LPP: variants seen among roughly 807,000 people sequenced by gnomAD.
The protein encoded by LPP is lipoma-preferred partner.
Under a neutral mutation model 60.4 loss-of-function variants are expected in LPP, and 38 were observed. That is an observed-to-expected ratio of 0.63 (90% confidence interval 0.49 to 0.83). The LOEUF is 0.83. Ranked by LOEUF, LPP falls within the 40% of genes least tolerant of loss-of-function variation. LPP has a pLI of 0.00. For missense variants in LPP, 902 were observed against 783.6 expected (o/e 1.15, Z -1.80); for synonymous variants, 328 against 290.8 (o/e 1.13, Z -1.30).
intron 5 of LPP, among the ~76,000 whole-genome samples, chr3:188,505,598 A>G (rs1488414063): frequency 6.6e-6 from 1 of 152,278 alleles, no homozygotes; most frequent in East Asian, 1.9e-4. Flanking sequence ...TCTACTCATC[A>G]TCTTACTCAA....
chr3:188,503,986 A>C (rs534234511), intron 5 of LPP, among the ~76,000 whole-genome samples: 2 of 152,102 alleles, frequency 1.3e-5, no homozygotes, highest in Non-Finnish European at 2.9e-5. Context: ...CTTTGATCAA[A>C]TTTGGGGGAG....
intron 9 of LPP, among the ~76,000 whole-genome samples, chr3:188,804,196 G>A (rs1382849162): frequency 7.1e-5 from 9 of 126,450 alleles, no homozygotes; most frequent in East Asian, 2.6e-4. Context: ...TTTTTTATTC[G>A]GGGGGAGGTT....
intron 9 of LPP, among the ~76,000 whole-genome samples, chr3:188,775,450 A>G (rs183288739): frequency 6.6e-6 from 1 of 152,352 alleles, no homozygotes; most frequent in East Asian, 1.9e-4. Flanking sequence ...AAGACCTCGT[A>G]CAGTTCAGGT....
chr3:188,775,535 A>C (rs1424032091), intron 9 of LPP, among the ~76,000 whole-genome samples: 1 of 152,184 alleles, frequency 6.6e-6, no homozygotes, highest in Non-Finnish European at 1.5e-5. Context: ...AGAGAGGAAG[A>C]CTTGTTTTTT....
intron 7 of LPP, among the ~76,000 whole-genome samples, chr3:188,657,264 A>G (rs980699651): frequency 7.1e-6 from 1 of 140,312 alleles, no homozygotes; most frequent in East Asian, 2.1e-4. Context: ...AGGTGTATAT[A>G]TATATATATA....
intron 3 of LPP, among the ~76,000 whole-genome samples, chr3:188,389,602 G>A (rs1481329183): frequency 2.0e-5 from 3 of 151,972 alleles, no homozygotes; most frequent in East Asian, 1.9e-4. Flanking sequence ...GTGGCGAAAC[G>A]CCATCTGTAC....
chr3:188,773,119 G>T (rs1249030444), intron 9 of LPP, among the ~76,000 whole-genome samples: 2 of 152,184 alleles, frequency 1.3e-5, no homozygotes, highest in Middle Eastern at 3.2e-3. Context: ...AGGAGTTTGA[G>T]TGGAAGTTCT....
chr3:188,261,744 C>A (rs1255080819), intron 2 of LPP, among the ~76,000 whole-genome samples: 1 of 146,562 alleles, frequency 6.8e-6, no homozygotes. Flanking sequence ...CCTGTCTCTC[C>A]AAAAAAAAAA....
intron 3 of LPP, among the ~76,000 whole-genome samples, chr3:188,358,153 C>G (rs1262985622): frequency 6.6e-6 from 1 of 152,168 alleles, no homozygotes; most frequent in Non-Finnish European, 1.5e-5. Context: ...GAGGAAGGTA[C>G]TGTTATTATC....
chr3:188,805,670 C>T (rs1405346802), intron 9 of LPP, among the ~76,000 whole-genome samples: 2 of 151,362 alleles, frequency 1.3e-5, no homozygotes, highest in Non-Finnish European at 1.5e-5. Flanking sequence ...TTTCTATTTC[C>T]CTAAAGTTAA....
intron 7 of LPP, among the ~76,000 whole-genome samples, chr3:188,620,172 C>T (rs768777752): frequency 1.5e-4 from 23 of 151,894 alleles, no homozygotes; most frequent in Admixed American, 3.9e-4. Context: ...AATTAAATGG[C>T]GATTAAATTA....
chr3:188,243,149 T>C (rs1725585924), intron 2 of LPP, among the ~76,000 whole-genome samples: 1 of 152,188 alleles, frequency 6.6e-6, no homozygotes, highest in South Asian at 2.1e-4. Context: ...TAATAAGAAA[T>C]GCCACAGTGA....
Position 188,609,982 on chromosome 3 carries a change from G to T in LPP, c.1113+138G>T. ...CAAATACAATCCCAGGGAAGGATGA[G>T]TGAAGCCAGAGAGGAGAGAGAGACT... On this transcript the variant is annotated intron_variant, in intron 7 of 11. Coordinates refer to ENST00000617246, the MANE Select transcript of LPP (RefSeq NM_001375462.1). The surrounding 1 kb of genome is among the most constrained non-coding windows in gnomAD (Gnocchi z 6.9). The T allele has an allele frequency of 1.2e-6, 1 of 829,164 alleles. No individual in the cohort carries two copies. Among genetic ancestry groups the T allele is most frequent in the Non-Finnish European group, 1.8e-6 (1 of 541,188 alleles). 51.4% of individuals were successfully genotyped at this position (829,164 alleles called of 1,614,324 possible). A position where few individuals can be genotyped will look rare whatever the true frequency, so the allele number is the denominator to read the frequency against.
intron 9 of LPP, among the ~76,000 whole-genome samples, chr3:188,761,721 T>G (rs1250732652): frequency 3.9e-5 from 6 of 152,208 alleles, no homozygotes; most frequent in Non-Finnish European, 8.8e-5. Flanking sequence ...CAAAGTAATG[T>G]ACTGTTGATC....
intron 3 of LPP, among the ~76,000 whole-genome samples, chr3:188,361,660 G>A (rs559943961): frequency 6.0e-5 from 9 of 150,408 alleles, no homozygotes; most frequent in South Asian, 2.1e-4. Flanking sequence ...TCCACCTCCC[G>A]GGTCCAAGCG....
chr3:188,177,029 G>A (rs1193709997), intron 1 of LPP, among the ~76,000 whole-genome samples: 2 of 152,260 alleles, frequency 1.3e-5, no homozygotes, highest in African/African-American at 4.8e-5. Flanking sequence ...CTAGAGGAAG[G>A]ATAGAAATTG....
rs1207555668 is a variant in LPP at position 188,182,626 on chromosome 3, C to T, written c.-190+28374C>T. On this transcript the variant is annotated intron_variant, in intron 1 of 11. Coordinates refer to ENST00000617246, the MANE Select transcript of LPP (RefSeq NM_001375462.1). The surrounding 1 kb of genome is among the most constrained non-coding windows in gnomAD (Gnocchi z 4.4). Reference sequence around the variant, plus strand: ...CTGTGCCCAGCTCTTTACACACATTCTTCCAAGGGTGAGACATGATGGTGT... The same window carrying T: ...CTGTGCCCAGCTCTTTACACACATTTTTCCAAGGGTGAGACATGATGGTGT... 6.6e-6 allele frequency among the ~76,000 whole-genome samples: 1 copy of T among 152,020 alleles called. No homozygotes were observed. Among genetic ancestry groups the T allele is most frequent in the African/African-American group, 2.4e-5 (1 of 41,362 alleles).
At chr3:188,231,224 A>G (rs552921184) in intron 2 of LPP, among the ~76,000 whole-genome samples, 17 of 152,316 alleles carry the variant, frequency 1.1e-4, no homozygotes, top group African/African-American at 3.8e-4. Flanking sequence ...TATGAGCACA[A>G]GGTTATTAAT....
intron 5 of LPP, 45 bp from the exon 6 acceptor site, chr3:188,524,620 C>T (rs767076004): frequency 2.5e-6 from 4 of 1,569,520 alleles, no homozygotes; most frequent in South Asian, 2.3e-5. Context: ...ATAATGATAT[C>T]AAGGGAAATT....
Sources: gnomAD v4.1 joint callset for allele counts (sites outside exome capture counted in the v4.1 genomes callset) on GRCh38, gnomAD v4.1.1 for gene constraint, Gnocchi (gnomAD v3.1) non-coding constraint, MANE v1.5 for transcripts, NCBI Gene and HGNC (gene_info 2026-07-23, HGNC 2026-07-21) for gene names.